PLXDC1: variants seen among roughly 807,000 people sequenced by gnomAD.
PLXDC1 encodes the protein plexin domain-containing protein 1.
PLXDC1 carries 39 observed loss-of-function variants against 61.3 expected under a neutral mutation model. The ratio of observed to expected loss-of-function variants is 0.64; its 90% CI spans 0.49 to 0.83. The LOEUF is 0.83. Among genes scored for constraint, PLXDC1 ranks in the 40% least tolerant of loss-of-function variants. The pLI, the probability that PLXDC1 is intolerant of heterozygous loss-of-function variation, is 0.00. For synonymous variants in PLXDC1, 212 were observed against 254.5 expected (o/e 0.83, Z 1.59); for missense variants, 596 against 666.5 (o/e 0.89, Z 1.17).
At chr17:39,094,103 G>A (rs1285845984) in intron 7 of PLXDC1, among the ~76,000 whole-genome samples, 1 of 152,040 alleles carries the variant, frequency 6.6e-6, no homozygotes, top group Non-Finnish European at 1.5e-5. Context: ...TAATTCACAT[G>A]CCCAGAGGTG....
intron 2 of PLXDC1, among the ~76,000 whole-genome samples, chr17:39,127,167 C>A (rs1407971035): frequency 6.6e-6 from 1 of 152,102 alleles, no homozygotes; most frequent in Non-Finnish European, 1.5e-5. Flanking sequence ...TTTAGAACAA[C>A]CCTATGAGAA....
chr17:39,127,717 A>G (rs956699574), intron 2 of PLXDC1, among the ~76,000 whole-genome samples: 3 of 151,990 alleles, frequency 2.0e-5, no homozygotes, highest in Non-Finnish European at 4.4e-5. Flanking sequence ...GCACTTTGGG[A>G]TGCCGAGGCG....
chr17:39,123,158 AG>A (rs1377270429), intron 2 of PLXDC1, among the ~76,000 whole-genome samples: 3 of 152,150 alleles, frequency 2.0e-5, no homozygotes, highest in African/African-American at 7.2e-5. Flanking sequence ...CTCTTCTCTG[AG>A]GGTCAGTTCC....
At chr17:39,096,805 G>A in intron 7 of PLXDC1, 1 of 412,840 alleles carries the variant, frequency 2.4e-6, no homozygotes, top group South Asian at 1.8e-5. Flanking sequence ...GAAATAAAGA[G>A]TTTCTTAAGC....
chr17:39,072,373 C>T (rs1385423699), intron 12 of PLXDC1, 77 bp downstream of exon 12: 23 of 984,670 alleles, frequency 2.3e-5, no homozygotes, highest in Admixed American at 4.0e-5. Context: ...ATAGCCCAGG[C>T]GACTGCTGCA....
Position 39,135,676 on chromosome 17 carries a change from T to TCA in PLXDC1, c.255+3977_255+3978insTG, listed in dbSNP as rs774933084. 9.4e-4 allele frequency among the ~76,000 whole-genome samples: 98 copies of TCA among 104,378 alleles called. 3 individuals carry two copies. The highest frequency in any genetic ancestry group is 4.7e-3 in the Middle Eastern group (1 of 214). The allele number at this position is 104,378 out of a possible 152,430, so 68.5% of individuals were successfully genotyped here. A position where few individuals can be genotyped will look rare whatever the true frequency, so the allele number is the denominator to read the frequency against. On this transcript the variant is annotated intron_variant, in intron 2 of 13. Coordinates refer to ENST00000315392, the MANE Select transcript of PLXDC1 (RefSeq NM_020405.5). ...CTGGGCAACTGAGCAACACTCCGTC[T>TCA]AAAAAAAAAAAAAAAAAAAAGTTCC... is the stretch of plus-strand genomic sequence containing the variant.
chr17:39,141,714 C>T (rs1398895926), intron 1 of PLXDC1, among the ~76,000 whole-genome samples: 1 of 152,150 alleles, frequency 6.6e-6, no homozygotes, highest in Non-Finnish European at 1.5e-5. Context: ...AATTGTCATA[C>T]TGTTTTCCAT....
chr17:39,150,274 A>C (rs1031997567), intron 1 of PLXDC1, among the ~76,000 whole-genome samples: 1 of 151,966 alleles, frequency 6.6e-6, no homozygotes, highest in Non-Finnish European at 1.5e-5. Flanking sequence ...TCTTCTTCTC[A>C]ATAGGGACCC....
At position 39,067,903 on chromosome 17, in the gene PLXDC1, G is replaced by A; in HGVS notation, c.1440C>T (p.Thr480=). 1 of 1,613,974 alleles carries A rather than the reference G, an allele frequency of 6.2e-7. No individual in the cohort carries two copies. Among genetic ancestry groups the A allele is most frequent in the Non-Finnish European group, 8.5e-7 (1 of 1,179,822 alleles). Residue 480 remains threonine (T), a synonymous_variant, in exon 14 of 14, where the codon ACC becomes ACT. Coordinates refer to ENST00000315392, the MANE Select transcript of PLXDC1 (RefSeq NM_020405.5). ...MKFRSHPDHS[T]YAEVEPSGHE... Reference sequence around the variant, plus strand: ...GGCCCGAGGGCTCCACCTCCGCATAGGTGGAATGGTCAGGGTGGCTGCGAA... The same window carrying A: ...GGCCCGAGGGCTCCACCTCCGCATAAGTGGAATGGTCAGGGTGGCTGCGAA...
chr17:39,118,363 C>T (rs1402486810), intron 2 of PLXDC1, among the ~76,000 whole-genome samples: 6 of 152,068 alleles, frequency 3.9e-5, no homozygotes, highest in African/African-American at 1.4e-4. Context: ...ACCACCACAC[C>T]CAGCTAATTT....
At position 39,069,972 on chromosome 17, in the gene PLXDC1, G is replaced by T; in HGVS notation, c.1267C>A (p.His423Asn). 1 of 1,613,818 alleles carries T rather than the reference G, an allele frequency of 6.2e-7. No individual in the cohort carries two copies. Among genetic ancestry groups the T allele is most frequent in the Non-Finnish European group, 8.5e-7 (1 of 1,179,706 alleles). ...ACGATGCCCACGATGGTGCCCAGGTGCACAGGAGTGCCCTTTGTCTTGGGG... is the reference window on the plus strand; with the variant it reads ...ACGATGCCCACGATGGTGCCCAGGTTCACAGGAGTGCCCTTTGTCTTGGGG... ...LSPKTKGTPV[H>N]LGTIVGIVLA... Residue 423 changes from histidine to asparagine, a missense_variant, in exon 13 of 14, where the codon CAC becomes AAC. By Grantham distance (68) the His-to-Asn change is moderately conservative. Coordinates refer to ENST00000315392, the MANE Select transcript of PLXDC1 (RefSeq NM_020405.5).
chr17:39,084,721 G>A (rs1306914890), intron 8 of PLXDC1, among the ~76,000 whole-genome samples: 2 of 152,252 alleles, frequency 1.3e-5, no homozygotes, highest in Non-Finnish European at 2.9e-5. Flanking sequence ...CTGGGGCCCA[G>A]CCTGGGCAGG....
At chr17:39,102,891 A>G (rs1910472182) in intron 7 of PLXDC1, among the ~76,000 whole-genome samples, 1 of 152,174 alleles carries the variant, frequency 6.6e-6, no homozygotes. Flanking sequence ...ATCCTTTTAT[A>G]TCTTTTGCAT....
At chr17:39,133,325 C>A (rs1310176025) in intron 2 of PLXDC1, among the ~76,000 whole-genome samples, 1 of 152,160 alleles carries the variant, frequency 6.6e-6, no homozygotes, top group Middle Eastern at 3.4e-3. Flanking sequence ...GAGTCTCGGG[C>A]GTGTGCAGAC....
chr17:39,067,679 C>A lies in PLXDC1; in HGVS notation c.*161G>T. The stretch of plus-strand genomic sequence containing the variant: ...GTTTTTTGGCCCCCTCTTCAATATT[C>A]GGGGTGTGCTGACGAAGCGAGCAGC... On this transcript the variant is annotated 3_prime_UTR_variant, in exon 14 of 14. Coordinates refer to ENST00000315392, the MANE Select transcript of PLXDC1 (RefSeq NM_020405.5). 3.1e-6 allele frequency: 2 copies of A among 639,008 alleles called. No individual in the cohort carries two copies. The highest frequency in any genetic ancestry group is 5.3e-6 in the Non-Finnish European group (2 of 374,324). 39.6% of individuals were successfully genotyped at this position (639,008 alleles called of 1,614,324 possible).
At chr17:39,113,196 T>C (rs1204747315) in intron 2 of PLXDC1, 3 of 152,150 alleles carry the variant, frequency 2.0e-5, no homozygotes, top group Non-Finnish European at 4.4e-5. Flanking sequence ...ACCAAGGATT[T>C]CCAGGAGATC....
intron 1 of PLXDC1, among the ~76,000 whole-genome samples, chr17:39,140,927 C>T (rs1204744727): frequency 4.6e-5 from 7 of 152,148 alleles, no homozygotes; most frequent in African/African-American, 7.2e-5. Flanking sequence ...AAATACATTC[C>T]TAATGTTGTA....
intron 2 of PLXDC1, among the ~76,000 whole-genome samples, chr17:39,138,624 G>C (rs1416576061): frequency 6.6e-6 from 1 of 152,064 alleles, no homozygotes; most frequent in African/African-American, 2.4e-5. Flanking sequence ...AGAGGAAACA[G>C]CCCAGACAGA....
At chr17:39,141,920 C>T (rs1260560447) in intron 1 of PLXDC1, among the ~76,000 whole-genome samples, 2 of 152,176 alleles carry the variant, frequency 1.3e-5, no homozygotes, top group African/African-American at 2.4e-5. Context: ...TGATGCCGAA[C>T]ATCTTTTCAT....
Sources: gnomAD v4.1 joint callset for allele counts (sites outside exome capture counted in the v4.1 genomes callset) on GRCh38, gnomAD v4.1.1 for gene constraint, MANE v1.5 for transcripts, NCBI Gene and HGNC (gene_info 2026-07-23, HGNC 2026-07-21) for gene names.